ATP8A2: variants seen among roughly 807,000 people sequenced by gnomAD.
The protein encoded by ATP8A2 is ATPase phospholipid transporting 8A2, also known as phospholipid-transporting ATPase IB.
Under a neutral mutation model 165.6 loss-of-function variants are expected in ATP8A2, and 100 were observed. That is an observed-to-expected ratio of 0.60 (90% confidence interval 0.51 to 0.71). ATP8A2 has a LOEUF of 0.71. Ranked by LOEUF, ATP8A2 falls within the 30% of genes least tolerant of loss-of-function variation. The pLI is 0.00. For missense variants in ATP8A2, 1,227 were observed against 1,479.5 expected, an observed-to-expected ratio of 0.83 and a Z score of 2.80; for synonymous variants, 543 against 548.8, an observed-to-expected ratio of 0.99 and a Z score of 0.15.
At chr13:25,778,954 G>A (rs550754577) in intron 27 of ATP8A2, among the ~76,000 whole-genome samples, 15 of 152,280 alleles carry the variant, frequency 9.9e-5, no homozygotes, top group Admixed American at 6.5e-4. Context: ...CATAGACGGT[G>A]ACCAGAATGT....
Position 25,390,920 on chromosome 13 carries a change from G to A in ATP8A2, c.76+18632G>A, listed in dbSNP as rs371804897. 8.6e-3 allele frequency among the ~76,000 whole-genome samples: 1,226 copies of A among 142,874 alleles called. 17 individuals are homozygous for A. Among genetic ancestry groups the A allele is most frequent in the African/African-American group, 0.032 (1,167 of 36,396 alleles). 93.7% of individuals were successfully genotyped at this position (142,874 alleles called of 152,430 possible). A position where few individuals can be genotyped will look rare whatever the true frequency, so the allele number is the denominator to read the frequency against. On this transcript the variant is annotated intron_variant, in intron 1 of 36. Coordinates refer to ENST00000381655, the MANE Select transcript of ATP8A2 (RefSeq NM_016529.6). ...AGCCTGGGCAACAGAGCAAGACTCC[G>A]TCTCAAAAAAAAAAAAAAAATTCAT...
intron 25 of ATP8A2, among the ~76,000 whole-genome samples, chr13:25,740,898 GA>G (rs1368955622): frequency 6.6e-6 from 1 of 152,128 alleles, no homozygotes; most frequent in Non-Finnish European, 1.5e-5. Context: ...TCAAAAGGCT[GA>G]AAAATGTGAG....
At chr13:25,563,359 A>C (rs900280702) in intron 15 of ATP8A2, among the ~76,000 whole-genome samples, 1 of 151,540 alleles carries the variant, frequency 6.6e-6, no homozygotes, top group African/African-American at 2.4e-5. Flanking sequence ...CAGTGAGCCG[A>C]GATCACACCA....
rs531382476 is a variant in ATP8A2, at chr13:25,941,652, T to G, written c.3184-19923T>G. 2.0e-5 allele frequency among the ~76,000 whole-genome samples: 3 copies of G among 152,254 alleles called. No homozygotes were observed. The South Asian group carries it at 6.2e-4, about 32-fold the overall frequency. ...ACTGTCCCTCTTGTTCCCCATATAG[T>G]CCTGGCAGCAGCACACACTGAATCC... is the stretch of plus-strand genomic sequence containing the variant. On this transcript the variant is annotated intron_variant, in intron 33 of 36. Coordinates refer to ENST00000381655, the MANE Select transcript of ATP8A2 (RefSeq NM_016529.6).
chr13:25,501,129 A>G (rs1317008920), intron 2 of ATP8A2, among the ~76,000 whole-genome samples: 2 of 152,208 alleles, frequency 1.3e-5, no homozygotes. Context: ...TGCAGAAGTC[A>G]TGTGTTTAAA....
intron 2 of ATP8A2, among the ~76,000 whole-genome samples, chr13:25,470,146 T>G (rs1272132080): frequency 1.4e-4 from 22 of 152,224 alleles, no homozygotes; most frequent in Non-Finnish European, 5.9e-5. Context: ...GCCTGACATC[T>G]TTATTTAGAA....
chr13:25,587,644 A>G (rs1039921867), intron 23 of ATP8A2, among the ~76,000 whole-genome samples: 18 of 152,268 alleles, frequency 1.2e-4, no homozygotes, highest in African/African-American at 4.1e-4. Flanking sequence ...TCTATATTGC[A>G]TGAAGTTGCT....
intron 27 of ATP8A2, among the ~76,000 whole-genome samples, chr13:25,785,530 GT>G (rs2045002387): frequency 6.6e-6 from 1 of 152,028 alleles, no homozygotes. Flanking sequence ...ATTTTAGTTT[GT>G]GTTGCTCTCA....
Position 25,756,190 on chromosome 13 carries a change from A to G in ATP8A2, c.2385-12856A>G, listed in dbSNP as rs540781360. On this transcript the variant is annotated intron_variant, in intron 25 of 36. Transcript: ENST00000381655. Reference sequence around the variant, plus strand: ...TCCTACTCCAGGTGTAGCAGCCAGGATAGGTTTTTTCACCTTTCATCCATC... The same window carrying G: ...TCCTACTCCAGGTGTAGCAGCCAGGGTAGGTTTTTTCACCTTTCATCCATC... 1.0e-4 allele frequency among the ~76,000 whole-genome samples: 15 copies of G among 148,700 alleles called. No individual in the cohort carries two copies. The East Asian group carries it at 2.7e-3, about 27-fold the overall frequency.
At chr13:25,463,439 T>A (rs1290501391) in intron 1 of ATP8A2, among the ~76,000 whole-genome samples, 2 of 151,936 alleles carry the variant, frequency 1.3e-5, no homozygotes, top group Non-Finnish European at 2.9e-5. Context: ...CATATTATTA[T>A]AATATTTAAT....
chr13:25,604,729 C>CA lies in ATP8A2; in HGVS notation c.2211+15034dup, dbSNP rs527493997. ...ATCTTATTTTTGTTTATGCTTTTCA[C>CA]AAAACAAAGGTGGGTAGTATTAGTA... is the stretch of plus-strand genomic sequence containing the variant. On this transcript the variant is annotated intron_variant, in intron 24 of 36. Transcript: ENST00000381655. Among the ~76,000 whole-genome samples the CA allele has an allele frequency of 2.2e-3, 338 of 152,236 alleles. 1 individual carries two copies. The highest frequency in any genetic ancestry group is 7.3e-3 in the African/African-American group (303 of 41,578).
chr13:25,946,938 G>C (rs1377358556), intron 33 of ATP8A2, among the ~76,000 whole-genome samples: 1 of 152,108 alleles, frequency 6.6e-6, no homozygotes, highest in African/African-American at 2.4e-5. Context: ...AGTAGAGACG[G>C]GGTTTCGCCA....
intron 23 of ATP8A2, among the ~76,000 whole-genome samples, chr13:25,585,630 A>G (rs1046191041): frequency 6.6e-6 from 1 of 152,226 alleles, no homozygotes; most frequent in Non-Finnish European, 1.5e-5. Context: ...AAGGTAAACA[A>G]TATGATGTTA....
intron 30 of ATP8A2, among the ~76,000 whole-genome samples, chr13:25,847,316 G>A (rs1009394779): frequency 6.6e-6 from 1 of 152,186 alleles, no homozygotes; most frequent in Non-Finnish European, 1.5e-5. Flanking sequence ...TCAAATGCAA[G>A]ATTTTTGTTT....
At chr13:25,852,452 C>T (rs1442058226) in intron 30 of ATP8A2, among the ~76,000 whole-genome samples, 3 of 152,162 alleles carry the variant, frequency 2.0e-5, no homozygotes, top group Admixed American at 1.3e-4. Flanking sequence ...CTGGCACTCC[C>T]GGAGTTGTTC....
intron 24 of ATP8A2, among the ~76,000 whole-genome samples, chr13:25,622,583 G>A (rs891706963): frequency 2.6e-5 from 4 of 152,072 alleles, no homozygotes; most frequent in African/African-American, 4.8e-5. Flanking sequence ...AATCCGAAAT[G>A]CCCCAAAACC....
At chr13:25,754,762 G>T (rs1053199523) in intron 25 of ATP8A2, among the ~76,000 whole-genome samples, 2 of 152,112 alleles carry the variant, frequency 1.3e-5, no homozygotes, top group African/African-American at 4.8e-5. Flanking sequence ...TAGCAAAAGA[G>T]ATTATTATGA....
At position 25,531,262 on chromosome 13, in the gene ATP8A2, GA is replaced by G. The variant is rs1566229192; in HGVS notation, c.420+603del. Among the ~76,000 whole-genome samples, 462 of 86,996 alleles carry G rather than the reference GA, an allele frequency of 5.3e-3. 14 individuals are homozygous for G. Among genetic ancestry groups the G allele is most frequent in the African/African-American group, 0.018 (386 of 20,902 alleles). 57.1% of individuals were successfully genotyped at this position (86,996 alleles called of 152,430 possible). On this transcript the variant is annotated intron_variant, in intron 4 of 36. Transcript: ENST00000381655. ...TATATATGTTATATATGATATATAT[GA>G]TATATATGATATATATGTTATATAT...
chr13:25,505,248 G>GTCTCTC (rs137985732), intron 2 of ATP8A2, among the ~76,000 whole-genome samples: 1 of 149,886 alleles, frequency 6.7e-6, no homozygotes, highest in African/African-American at 2.4e-5. Context: ...CTGTTAATCA[G>GTCTCTC]TCTCTCTCTC....
Sources: allele counts gnomAD v4.1 joint callset (sites outside exome capture counted in the v4.1 genomes callset), GRCh38; gene constraint gnomAD v4.1.1; transcripts MANE v1.5; gene names NCBI Gene and HGNC (gene_info 2026-07-23, HGNC 2026-07-21).